SRGAP3: variants seen among roughly 807,000 people sequenced by gnomAD.
SRGAP3 encodes the protein SLIT-ROBO Rho GTPase activating protein 3, also known as SLIT-ROBO Rho GTPase-activating protein 3.
A neutral mutation model predicts 121.1 loss-of-function variants in SRGAP3; 39 were observed. The observed-to-expected ratio is 0.32, with a 90% CI of 0.25 to 0.42. The LOEUF is 0.42. Among genes scored for constraint, SRGAP3 ranks in the 10% least tolerant of loss-of-function variants. The pLI, the probability that SRGAP3 is intolerant of heterozygous loss-of-function variation, is 1.00. For synonymous variants in SRGAP3, 601 were observed against 570.0 expected (o/e 1.05, Z -0.77); for missense variants, 1,213 against 1,470.6 (o/e 0.82, Z 2.86).
intron 2 of SRGAP3, among the ~76,000 whole-genome samples, chr3:9,122,745 A>T (rs1490230716): frequency 6.6e-6 from 1 of 152,092 alleles, no homozygotes; most frequent in Non-Finnish European, 1.5e-5. Flanking sequence ...ATAGGGTAGA[A>T]AAAGAAGCAC....
Position 9,053,243 on chromosome 3 carries a change from T to C in SRGAP3, c.1126-19A>G, listed in dbSNP as rs1186288295. On this transcript the variant is annotated intron_variant, in intron 8 of 21. Coordinates refer to ENST00000383836, the MANE Select transcript of SRGAP3 (RefSeq NM_014850.4). Reference sequence around the variant, plus strand: ...TCCTAACCTGGGGAAACACAGCAGATTGACAAAAATCCTGTATTCTCATAC... The same window carrying C: ...TCCTAACCTGGGGAAACACAGCAGACTGACAAAAATCCTGTATTCTCATAC... 42 of 1,610,138 alleles carry C rather than the reference T, an allele frequency of 2.6e-5. No individual in the cohort carries two copies. The highest frequency in any genetic ancestry group is 3.2e-5 in the Non-Finnish European group (38 of 1,177,880).
intron 1 of SRGAP3, among the ~76,000 whole-genome samples, chr3:9,166,050 G>C (rs576195501): frequency 6.6e-6 from 1 of 152,314 alleles, no homozygotes; most frequent in African/African-American, 2.4e-5. Flanking sequence ...AGTGAGTAGT[G>C]AATGAATGAA....
At chr3:9,289,606 C>A (rs1054483105) in intron 3 of SRGAP3, among the ~76,000 whole-genome samples, 2 of 152,264 alleles carry the variant, frequency 1.3e-5, no homozygotes, top group East Asian at 3.9e-4. Context: ...TACAACCAGC[C>A]CCGATGTTCA....
At chr3:9,318,368 G>A (rs1326753571) in intron 3 of SRGAP3, among the ~76,000 whole-genome samples, 1 of 151,740 alleles carries the variant, frequency 6.6e-6, no homozygotes, top group African/African-American at 2.4e-5. Context: ...ACAGAAAGCA[G>A]GGCACAGGGC....
intron 1 of SRGAP3, among the ~76,000 whole-genome samples, chr3:9,190,376 G>A (rs1356905879): frequency 6.6e-6 from 1 of 152,182 alleles, no homozygotes; most frequent in African/African-American, 2.4e-5. Context: ...GACTCAGGTA[G>A]GACGCTGAGC....
chr3:9,304,869 T>C (rs956118957), intron 3 of SRGAP3, among the ~76,000 whole-genome samples: 3 of 152,194 alleles, frequency 2.0e-5, no homozygotes, highest in Admixed American at 1.3e-4. Flanking sequence ...AACTGACATC[T>C]GACAGATACC....
At chr3:9,281,289 T>C (rs776556048) in intron 3 of SRGAP3, among the ~76,000 whole-genome samples, 12 of 152,204 alleles carry the variant, frequency 7.9e-5, no homozygotes, top group Non-Finnish European at 1.0e-4. Flanking sequence ...ATGCTCTGCA[T>C]ACAGGGCTGA....
At chr3:8,994,605 C>T in intron 18 of SRGAP3, 82 bp from the exon 19 acceptor site, 1 of 1,562,600 alleles carries the variant, frequency 6.4e-7, no homozygotes, top group East Asian at 2.2e-5. Context: ...GCCCTGGCTT[C>T]TCTGGGGAAG....
chr3:9,276,529 G>A (rs561409053), intron 3 of SRGAP3, among the ~76,000 whole-genome samples: 10 of 151,440 alleles, frequency 6.6e-5, no homozygotes, highest in African/African-American at 1.2e-4. Flanking sequence ...AGGTTCACTC[G>A]ATTCTCCTGC....
At chr3:9,014,796 T>A (rs1413518237) in intron 15 of SRGAP3, 2 of 152,182 alleles carry the variant, frequency 1.3e-5, no homozygotes, top group Non-Finnish European at 2.9e-5. Context: ...TCTCTCAGAG[T>A]ACTGTGAGAA....
At chr3:9,213,382 C>G (rs946560937) in intron 1 of SRGAP3, among the ~76,000 whole-genome samples, 1 of 152,068 alleles carries the variant, frequency 6.6e-6, no homozygotes, top group Non-Finnish European at 1.5e-5. Flanking sequence ...TCCCTCCACA[C>G]TCCTCAGAGC....
At chr3:9,169,074 T>C (rs1950889118) in intron 1 of SRGAP3, among the ~76,000 whole-genome samples, 1 of 152,172 alleles carries the variant, frequency 6.6e-6, no homozygotes, top group African/African-American at 2.4e-5. Flanking sequence ...CTGATTTCAA[T>C]CCCGGCTCGT....
At chr3:9,058,210 A>C (rs1394748067) in intron 7 of SRGAP3, 41 bp downstream of exon 7, 1 of 1,602,274 alleles carries the variant, frequency 6.2e-7, no homozygotes, top group Admixed American at 1.7e-5. Context: ...GGGGGAACAG[A>C]GGGAAGCAGC....
At chr3:9,303,335 G>A (rs755087594) in intron 3 of SRGAP3, among the ~76,000 whole-genome samples, 8 of 151,384 alleles carry the variant, frequency 5.3e-5, no homozygotes, top group Admixed American at 1.3e-4. Context: ...TGAAGCAGGA[G>A]AATTGCTTGA....
chr3:9,084,913 C>T (rs2125279121), intron 3 of SRGAP3, among the ~76,000 whole-genome samples: 1 of 152,260 alleles, frequency 6.6e-6, no homozygotes, highest in East Asian at 1.9e-4. Context: ...TAGCACAGGC[C>T]TGTTGGGCAG....
chr3:9,130,664 C>A (rs1367675402), intron 1 of SRGAP3, among the ~76,000 whole-genome samples: 2 of 152,230 alleles, frequency 1.3e-5, no homozygotes, highest in African/African-American at 2.4e-5. Context: ...CATGAATTAT[C>A]CTTGTTTTCC....
At chr3:9,357,528 C>T (rs1293199802) in intron 1 of SRGAP3, among the ~76,000 whole-genome samples, 2 of 151,162 alleles carry the variant, frequency 1.3e-5, no homozygotes, top group Non-Finnish European at 2.9e-5. Context: ...AGGCACACAC[C>T]ACCATACCTG....
At chr3:9,099,050 C>CA (rs577335860) in intron 3 of SRGAP3, among the ~76,000 whole-genome samples, 2 of 152,024 alleles carry the variant, frequency 1.3e-5, no homozygotes, top group Non-Finnish European at 2.9e-5. Flanking sequence ...CTCATGCAAC[C>CA]AAAAAATAAA....
rs1024698528 is a variant in SRGAP3 at position 9,183,465 on chromosome 3, T to A, written c.68-58548A>T. Among the ~76,000 whole-genome samples, 4 of 152,108 alleles carry A rather than the reference T, an allele frequency of 2.6e-5. No individual in the cohort carries two copies. The East Asian group carries it at 7.7e-4, about 29-fold the overall frequency. On this transcript the variant is annotated intron_variant, in intron 1 of 21. Coordinates refer to ENST00000383836, the MANE Select transcript of SRGAP3 (RefSeq NM_014850.4). Reference sequence around the variant, plus strand: ...ATAGTAAGCATTCAAGAAAACCTAGTCATTATAATTGCATATCTATTATAC... The same window carrying A: ...ATAGTAAGCATTCAAGAAAACCTAGACATTATAATTGCATATCTATTATAC...
Sources: allele counts gnomAD v4.1 joint callset (sites outside exome capture counted in the v4.1 genomes callset), GRCh38; gene constraint gnomAD v4.1.1; transcripts MANE v1.5; gene names NCBI Gene and HGNC (gene_info 2026-07-23, HGNC 2026-07-21).